The following INSL6 variants were observed in gnomAD, a reference collection of about 807,000 sequenced individuals.
INSL6 encodes insulin-like peptide INSL6.
In INSL6, 16 loss-of-function variants were observed where a neutral mutation model predicts 9.4. The ratio of observed to expected loss-of-function variants is 1.70; its 90% confidence interval spans 1.15 to 2.59. The LOEUF (loss-of-function observed/expected upper bound fraction) is 2.59, where lower values mean the gene tolerates loss of function less well. Ranked by LOEUF, INSL6 falls within the 30% of genes most tolerant of loss-of-function variation. The pLI, the probability that INSL6 is intolerant of heterozygous loss-of-function variation, is 0.00. For synonymous variants in INSL6, 154 were observed against 96.9 expected (o/e 1.59, Z -3.46); for missense variants, 391 against 257.3 (o/e 1.52, Z -3.56).
At chr9:5,161,739 T>C (rs182797252), downstream of INSL6, among the ~76,000 whole-genome samples, 2 of 152,144 alleles carry the variant, frequency 1.3e-5, no homozygotes, top group Non-Finnish European at 2.9e-5. Context: ...TTCGGTAAAG[T>C]TGCAGGATAC....
At chr9:5,151,230 T>C (rs1254567108) in intron 2 of INSL6, among the ~76,000 whole-genome samples, 1 of 152,120 alleles carries the variant, frequency 6.6e-6, no homozygotes, top group Admixed American at 6.5e-5. Flanking sequence ...CCCAAATCAA[T>C]ATTAACAATT....
chr9:5,102,050 G>A, the INSL6 span, among the ~76,000 whole-genome samples: 1 of 152,198 alleles, frequency 6.6e-6, no homozygotes, highest in Non-Finnish European at 1.5e-5. Context: ...TTGACGAGCT[G>A]ACAGAAGTAG....
chr9:5,067,383 A>G, the INSL6 span, among the ~76,000 whole-genome samples: 3 of 152,172 alleles, frequency 2.0e-5, no homozygotes, highest in Non-Finnish European at 2.9e-5. Context: ...CTTATGAGGC[A>G]ATTTCATGGT....
the INSL6 span, among the ~76,000 whole-genome samples, chr9:5,065,354 CT>C: frequency 6.6e-6 from 1 of 152,134 alleles, no homozygotes; most frequent in African/African-American, 2.4e-5. Context: ...TTTTAAAATA[CT>C]GCAAGGAAGC....
chr9:5,083,124 T>C, the INSL6 span, among the ~76,000 whole-genome samples: 4 of 152,306 alleles, frequency 2.6e-5, no homozygotes, highest in Non-Finnish European at 4.4e-5. Context: ...CAGGAGTTCA[T>C]TGTTAAGTGA....
At chr9:5,044,658 A>T in the INSL6 span, 1 of 525,018 alleles carries the variant, frequency 1.9e-6, no homozygotes, top group Non-Finnish European at 3.3e-6. Flanking sequence ...AGAAGTAACA[A>T]AATTGAGTCT....
intron 1 of INSL6, among the ~76,000 whole-genome samples, chr9:5,170,321 C>T (rs769740134): frequency 8.6e-5 from 13 of 152,032 alleles, no homozygotes; most frequent in Non-Finnish European, 1.6e-4. Context: ...AAAGAAACAA[C>T]GTATCAGAAT....
At chr9:5,102,290 A>G in the INSL6 span, among the ~76,000 whole-genome samples, 8 of 152,204 alleles carry the variant, frequency 5.3e-5, no homozygotes, top group Non-Finnish European at 1.2e-4. Context: ...AAAGGGTATC[A>G]GTGATTGAAG....
At chr9:5,145,824 C>T (rs1419449732) in intron 2 of INSL6, among the ~76,000 whole-genome samples, 1 of 152,170 alleles carries the variant, frequency 6.6e-6, no homozygotes, top group Non-Finnish European at 1.5e-5. Flanking sequence ...CTTTTCTAGA[C>T]TGGCTATTTT....
the INSL6 span, among the ~76,000 whole-genome samples, chr9:5,003,478 A>G: frequency 1.3e-5 from 2 of 151,978 alleles, no homozygotes; most frequent in African/African-American, 2.4e-5. Flanking sequence ...TTTTGTTACT[A>G]TTGTAAATGA....
the INSL6 span, among the ~76,000 whole-genome samples, chr9:4,998,419 G>A: frequency 6.6e-6 from 1 of 152,124 alleles, no homozygotes; most frequent in Non-Finnish European, 1.5e-5. Context: ...ACCACGCCCA[G>A]CTAATTTTTG....
chr9:5,107,592 G>T, the INSL6 span, among the ~76,000 whole-genome samples: 1 of 152,064 alleles, frequency 6.6e-6, no homozygotes, highest in African/African-American at 2.4e-5. Context: ...TAAGTCAAAA[G>T]AAATGATTTC....
chr9:5,082,977 G>C, the INSL6 span, among the ~76,000 whole-genome samples: 32 of 152,170 alleles, frequency 2.1e-4, no homozygotes, highest in Non-Finnish European at 4.3e-4. Flanking sequence ...GTAACACACT[G>C]ATCTCTCTTT....
intron 2 of INSL6, among the ~76,000 whole-genome samples, chr9:5,139,451 A>T (rs1586857910): frequency 6.6e-6 from 1 of 152,204 alleles, no homozygotes; most frequent in African/African-American, 2.4e-5. Flanking sequence ...ATGAATTTTT[A>T]AAAAGCTTGA....
chr9:5,091,112 T>C, the INSL6 span: 4 of 437,522 alleles, frequency 9.1e-6, no homozygotes, highest in Admixed American at 1.7e-4. Context: ...GCTTTATTTC[T>C]ATTAAGTGTT....
the INSL6 span, chr9:5,112,095 C>T: frequency 5.5e-6 from 2 of 362,582 alleles, no homozygotes; most frequent in Admixed American, 3.3e-5. Context: ...AGACCACCTA[C>T]CTGAACGAGG....
the INSL6 span, among the ~76,000 whole-genome samples, chr9:5,059,766 T>C: frequency 4.6e-5 from 7 of 152,300 alleles, no homozygotes; most frequent in East Asian, 7.7e-4. Flanking sequence ...CTGGTAGCTA[T>C]TGTAGTTTTT....
At chr9:5,118,186 A>G in the INSL6 span, among the ~76,000 whole-genome samples, 10 of 152,294 alleles carry the variant, frequency 6.6e-5, no homozygotes, top group Admixed American at 6.5e-4. Flanking sequence ...TAGTGCAGCA[A>G]TTTGATACCC....
chr9:5,179,969 T>C (rs1170622170), intron 1 of INSL6, among the ~76,000 whole-genome samples: 2 of 152,104 alleles, frequency 1.3e-5, no homozygotes, highest in Non-Finnish European at 2.9e-5. Flanking sequence ...GTAACAAACC[T>C]GCACATCCTG....
Sources: gnomAD v4.1 joint callset for allele counts (sites outside exome capture counted in the v4.1 genomes callset) on GRCh38, gnomAD v4.1.1 for gene constraint, MANE v1.5 for transcripts, NCBI Gene and HGNC (gene_info 2026-07-23, HGNC 2026-07-21) for gene names.